Variants in SLC9A7 observed in about 807,000 individuals in gnomAD.
SLC9A7 encodes solute carrier family 9 member A7, also known as sodium/hydrogen exchanger 7.
A neutral mutation model predicts 52.6 loss-of-function variants in SLC9A7; 19 were observed. The observed-to-expected ratio is 0.36, with a 90% CI of 0.25 to 0.53. SLC9A7 has a LOEUF of 0.53. Among genes scored for constraint, SLC9A7 ranks in the 20% least tolerant of loss-of-function variants. The pLI is 0.91. For missense variants in SLC9A7, 455 were observed against 597.9 expected (o/e 0.76, Z 2.49); for synonymous variants, 226 against 252.1 (o/e 0.90, Z 0.98).
chrX:46,745,045 A>G (rs1372496698), intron 1 of SLC9A7, among the ~76,000 whole-genome samples: 1 of 110,846 alleles, frequency 9.0e-6, no homozygotes, highest in Non-Finnish European at 1.9e-5. Flanking sequence ...AAGCTGTCAG[A>G]GCCAATTTTG....
chrX:46,614,369 A>G (rs778219853), intron 15 of SLC9A7, among the ~76,000 whole-genome samples: 1 of 111,972 alleles, frequency 8.9e-6, no homozygotes, highest in Non-Finnish European at 1.9e-5. Flanking sequence ...CATGTAATTT[A>G]TTACATACTG....
intron 14 of SLC9A7, among the ~76,000 whole-genome samples, chrX:46,629,786 G>A (rs1037822201): frequency 9.0e-6 from 1 of 111,648 alleles, no homozygotes. Context: ...AAATAAGGAC[G>A]GCCATCATGT....
chrX:46,650,787 C>T (rs938477034), intron 10 of SLC9A7, among the ~76,000 whole-genome samples: 6 of 111,652 alleles, frequency 5.4e-5, no homozygotes, highest in African/African-American at 2.0e-4. Context: ...AAACAATCAC[C>T]TGCCGAGCAC....
intron 7 of SLC9A7, among the ~76,000 whole-genome samples, chrX:46,661,388 G>GA (rs200128675): frequency 9.1e-6 from 1 of 109,348 alleles, no homozygotes; most frequent in African/African-American, 3.3e-5. Context: ...TAAAAAAAAA[G>GA]AAAAAAAAAT....
intron 1 of SLC9A7, among the ~76,000 whole-genome samples, chrX:46,741,868 G>A (rs1253550386): frequency 1.1e-4 from 12 of 109,271 alleles, no homozygotes; most frequent in Non-Finnish European, 2.1e-4. Flanking sequence ...CCCAAAGCTA[G>A]GAGAGAATAT....
At chrX:46,645,936 C>A (rs1943484173) in intron 11 of SLC9A7, among the ~76,000 whole-genome samples, 1 of 111,687 alleles carries the variant, frequency 9.0e-6, no homozygotes, top group Non-Finnish European at 1.9e-5. Context: ...TTTCAACTGC[C>A]ACTAGAAACT....
intron 16 of SLC9A7, among the ~76,000 whole-genome samples, chrX:46,608,650 CTTTT>C (rs1260840903): frequency 1.8e-5 from 2 of 111,610 alleles, no homozygotes; most frequent in African/African-American, 6.5e-5. Context: ...CTTTCTTTTT[CTTTT>C]TATTTTTTGA....
intron 1 of SLC9A7, among the ~76,000 whole-genome samples, chrX:46,757,622 G>A (rs1347535335): frequency 1.8e-5 from 2 of 112,435 alleles, no homozygotes; most frequent in African/African-American, 3.2e-5. Context: ...AATTTTCCCC[G>A]TTGGGAACAA....
chrX:46,634,889 C>T (rs1943294655), intron 13 of SLC9A7, among the ~76,000 whole-genome samples: 1 of 110,555 alleles, frequency 9.0e-6, no homozygotes, highest in African/African-American at 3.3e-5. Flanking sequence ...CTATCAGCAC[C>T]GAGAATCAGA....
chrX:46,744,740 A>T (rs907907645), intron 1 of SLC9A7, among the ~76,000 whole-genome samples: 2 of 111,905 alleles, frequency 1.8e-5, no homozygotes, highest in African/African-American at 3.2e-5. Context: ...GTCTCTGAAG[A>T]TATACAGAAT....
At chrX:46,620,692 T>TA (rs1236346387) in intron 15 of SLC9A7, among the ~76,000 whole-genome samples, 6 of 111,714 alleles carry the variant, frequency 5.4e-5, no homozygotes, top group African/African-American at 6.5e-5. Flanking sequence ...TCTAATCACC[T>TA]AAAAAGGCAT....
intron 16 of SLC9A7, among the ~76,000 whole-genome samples, chrX:46,609,357 A>G (rs1001744912): frequency 4.5e-5 from 5 of 112,064 alleles, no homozygotes; most frequent in Non-Finnish European, 7.5e-5. Context: ...GAAACTCCCA[A>G]GCCCAGACAT....
At chrX:46,743,714 A>G (rs1326615503) in intron 1 of SLC9A7, among the ~76,000 whole-genome samples, 1 of 111,684 alleles carries the variant, frequency 9.0e-6, no homozygotes, top group African/African-American at 3.3e-5. Context: ...CATCAAATGC[A>G]TGGGTAGTTG....
At chrX:46,670,314 G>A (rs917435094) in intron 4 of SLC9A7, among the ~76,000 whole-genome samples, 3 of 112,126 alleles carry the variant, frequency 2.7e-5, no homozygotes, top group Non-Finnish European at 5.6e-5. Context: ...GCATGGGTCA[G>A]GCAGGCCAGC....
intron 1 of SLC9A7, among the ~76,000 whole-genome samples, chrX:46,726,631 G>A: frequency 8.9e-6 from 1 of 111,815 alleles, no homozygotes; most frequent in East Asian, 2.8e-4. Context: ...CACAGCTATG[G>A]TGATGAGACC....
At chrX:46,653,495 G>A in intron 8 of SLC9A7, 114 bp downstream of exon 8, 1 of 467,526 alleles carries the variant, frequency 2.1e-6, no homozygotes. Flanking sequence ...ACGGACACTT[G>A]CTGAACAGTT....
rs190911194 is a variant in SLC9A7 at position 46,611,112 on chromosome X, G to A, written c.1929+2177C>T. On this transcript the variant is annotated intron_variant, in intron 16 of 16. Transcript: ENST00000616978. ...AATGCCGTCAGCACCCTTTGTCTCC[G>A]ATGATGTATGTAAAGGGCCCCTACT... Among the ~76,000 whole-genome samples the A allele has an allele frequency of 2.4e-3, 270 of 111,432 alleles. 1 individual carries two copies. Among genetic ancestry groups the A allele is most frequent in the African/African-American group, 8.3e-3 (254 of 30,665 alleles).
At chrX:46,740,955 G>C (rs1921302785) in intron 1 of SLC9A7, among the ~76,000 whole-genome samples, 1 of 109,041 alleles carries the variant, frequency 9.2e-6, no homozygotes, top group South Asian at 3.8e-4. Flanking sequence ...GAGGTTACAG[G>C]ATACAAGACT....
At chrX:46,710,518 A>T (rs538832292) in intron 1 of SLC9A7, among the ~76,000 whole-genome samples, 3 of 111,343 alleles carry the variant, frequency 2.7e-5, no homozygotes, top group African/African-American at 9.8e-5. Context: ...AGAGCCTGGG[A>T]ATCCCCAAAC....
Sources: allele counts gnomAD v4.1 joint callset (sites outside exome capture counted in the v4.1 genomes callset), GRCh38; gene constraint gnomAD v4.1.1; transcripts MANE v1.5; gene names NCBI Gene and HGNC (gene_info 2026-07-23, HGNC 2026-07-21).